SUGCT: variants seen among roughly 807,000 people sequenced by gnomAD.
SUGCT encodes the protein succinyl-CoA:glutarate-CoA transferase, also known as succinyl-CoA:glutarate CoA-transferase.
A neutral mutation model predicts 55.0 loss-of-function variants in SUGCT; 41 were observed. That is an observed-to-expected ratio of 0.74 (90% CI 0.58 to 0.97). The LOEUF (loss-of-function observed/expected upper bound fraction) is 0.97. Among genes scored for constraint, SUGCT ranks in the 50% least tolerant of loss-of-function variants. The pLI, the probability that SUGCT is intolerant of heterozygous loss-of-function variation, is 0.00. For synonymous variants in SUGCT, 187 were observed against 200.4 expected (o/e 0.93, Z 0.56); for missense variants, 568 against 547.8 (o/e 1.04, Z -0.37).
chr7:41,003,566 G>A, the SUGCT span, among the ~76,000 whole-genome samples: 3 of 152,228 alleles, frequency 2.0e-5, no homozygotes, highest in East Asian at 5.8e-4. Flanking sequence ...TTAAATCCAT[G>A]CATCAGACAA....
At chr7:40,948,050 A>G in the SUGCT span, among the ~76,000 whole-genome samples, 1 of 152,162 alleles carries the variant, frequency 6.6e-6, no homozygotes, top group Non-Finnish European at 1.5e-5. Context: ...TAATGCTTTT[A>G]TACTCTGTGT....
intron 9 of SUGCT, among the ~76,000 whole-genome samples, chr7:40,426,793 C>T (rs1244038387): frequency 2.0e-5 from 3 of 151,920 alleles, no homozygotes; most frequent in Admixed American, 1.3e-4. Flanking sequence ...AAGAATGGCA[C>T]ATTTAATTTA....
intron 9 of SUGCT, among the ~76,000 whole-genome samples, chr7:40,440,140 T>C (rs2151407980): frequency 7.4e-6 from 1 of 135,742 alleles, no homozygotes; most frequent in African/African-American, 2.8e-5. Context: ...TGTCTGTGTG[T>C]GTGTGTTTTT....
At chr7:40,406,944 A>G (rs1786402923) in intron 9 of SUGCT, among the ~76,000 whole-genome samples, 1 of 152,190 alleles carries the variant, frequency 6.6e-6, no homozygotes, top group South Asian at 2.1e-4. Flanking sequence ...AATTATACAT[A>G]TGGACAGAAA....
intron 1 of SUGCT, chr7:40,141,785 AAT>A (rs1220694213): frequency 8.3e-6 from 3 of 362,420 alleles, no homozygotes; most frequent in Admixed American, 2.8e-5. Flanking sequence ...CCACAAAAGA[AAT>A]AGCACTGGAA....
intron 11 of SUGCT, among the ~76,000 whole-genome samples, chr7:40,490,841 A>G (rs1350781408): frequency 6.6e-6 from 1 of 152,056 alleles, no homozygotes; most frequent in Non-Finnish European, 1.5e-5. Context: ...TTTCCCTAAG[A>G]CATACTGCAA....
chr7:40,701,811 C>T (rs576566656), intron 12 of SUGCT, among the ~76,000 whole-genome samples: 1 of 152,292 alleles, frequency 6.6e-6, no homozygotes, highest in East Asian at 1.9e-4. Flanking sequence ...CTCCTACTTT[C>T]AACTAAGGAA....
intron 5 of SUGCT, among the ~76,000 whole-genome samples, chr7:40,192,213 C>A (rs1161510487): frequency 1.3e-5 from 2 of 151,702 alleles, no homozygotes; most frequent in South Asian, 4.2e-4. Context: ...AGAAACAGTT[C>A]CAAAGTATTA....
At chr7:40,636,536 G>A (rs1442933128) in intron 12 of SUGCT, among the ~76,000 whole-genome samples, 1 of 152,182 alleles carries the variant, frequency 6.6e-6, no homozygotes, top group Non-Finnish European at 1.5e-5. Context: ...AGAATTTTCA[G>A]ACATTAAAAG....
intron 9 of SUGCT, among the ~76,000 whole-genome samples, chr7:40,441,766 T>C (rs771234470): frequency 6.6e-6 from 1 of 152,102 alleles, no homozygotes; most frequent in Non-Finnish European, 1.5e-5. Flanking sequence ...AGTTTGGAAG[T>C]ATGGGAGACA....
At chr7:40,764,208 C>CA (rs1356893167) in intron 13 of SUGCT, among the ~76,000 whole-genome samples, 2 of 152,170 alleles carry the variant, frequency 1.3e-5, no homozygotes, top group African/African-American at 4.8e-5. Flanking sequence ...AATGACAACT[C>CA]AAATTCCAAC....
chr7:40,260,788 A>G (rs937145124), intron 7 of SUGCT, among the ~76,000 whole-genome samples: 9 of 152,028 alleles, frequency 5.9e-5, no homozygotes, highest in Admixed American at 5.9e-4. Context: ...AGTAGCTGGG[A>G]CTACAGGTGT....
At chr7:40,378,734 A>C (rs1381773386) in intron 9 of SUGCT, among the ~76,000 whole-genome samples, 1 of 152,168 alleles carries the variant, frequency 6.6e-6, no homozygotes, top group African/African-American at 2.4e-5. Flanking sequence ...TGGCCTCCCA[A>C]AGTGCTGGGA....
chr7:40,450,794 A>G (rs1020306496), intron 10 of SUGCT, among the ~76,000 whole-genome samples: 6 of 152,008 alleles, frequency 3.9e-5, no homozygotes, highest in African/African-American at 1.5e-4. Flanking sequence ...AGAGATGCCT[A>G]TGAAATCCTG....
At chr7:40,170,820 G>A (rs376256187) in intron 1 of SUGCT, among the ~76,000 whole-genome samples, 48 of 152,028 alleles carry the variant, frequency 3.2e-4, no homozygotes, top group African/African-American at 1.0e-3. Context: ...TCTGCTTATC[G>A]GAATAGTTAA....
chr7:40,597,986 A>G (rs1257978974), intron 12 of SUGCT, among the ~76,000 whole-genome samples: 2 of 152,260 alleles, frequency 1.3e-5, no homozygotes, highest in South Asian at 2.1e-4. Flanking sequence ...ATTTTACCCA[A>G]AAAGGTCAGG....
At chr7:40,944,562 C>G in the SUGCT span, among the ~76,000 whole-genome samples, 8 of 152,062 alleles carry the variant, frequency 5.3e-5, no homozygotes, top group Non-Finnish European at 1.2e-4. Context: ...GCTTGTTTTT[C>G]TCAGGTTTGT....
intron 12 of SUGCT, among the ~76,000 whole-genome samples, chr7:40,566,696 C>T (rs771090273): frequency 7.9e-5 from 12 of 152,222 alleles, no homozygotes; most frequent in Non-Finnish European, 1.0e-4. Flanking sequence ...TTTGTTTCAT[C>T]GAGGAAGTGG....
the SUGCT span, among the ~76,000 whole-genome samples, chr7:40,984,720 A>G: frequency 2.6e-5 from 4 of 152,204 alleles, no homozygotes; most frequent in African/African-American, 9.6e-5. Flanking sequence ...TAATTACAGA[A>G]CAGATTTGGA....
Sources: gnomAD v4.1 joint callset for allele counts (sites outside exome capture counted in the v4.1 genomes callset) on GRCh38, gnomAD v4.1.1 for gene constraint, MANE v1.5 for transcripts, NCBI Gene and HGNC (gene_info 2026-07-23, HGNC 2026-07-21) for gene names.